The following RBFOX1 variants were observed in gnomAD, a reference collection of about 807,000 sequenced individuals.
The protein encoded by RBFOX1 is RNA binding protein fox-1 homolog 1.
RBFOX1 carries 8 observed loss-of-function variants against 57.7 expected under a neutral mutation model. That is an observed-to-expected ratio of 0.14 (90% CI 0.08 to 0.25). The LOEUF (loss-of-function observed/expected upper bound fraction) is 0.25, where lower values mean the gene tolerates loss of function less well. RBFOX1 is among the 10% of genes least tolerant of loss of function. The pLI is 1.00. For missense variants in RBFOX1, 611 were observed against 548.5 expected (o/e 1.11, Z -1.14); for synonymous variants, 326 against 222.4 (o/e 1.47, Z -4.15).
chr16:5,569,360 C>T (rs991531341), intron 2 of RBFOX1, among the ~76,000 whole-genome samples: 2 of 148,218 alleles, frequency 1.3e-5, no homozygotes, highest in African/African-American at 2.5e-5. Flanking sequence ...CTGGCTAACG[C>T]TCTGATTACT....
At chr16:5,765,452 C>T (rs1325713130) in intron 3 of RBFOX1, among the ~76,000 whole-genome samples, 5 of 152,176 alleles carry the variant, frequency 3.3e-5, no homozygotes, top group African/African-American at 1.2e-4. Flanking sequence ...ACCTTTGACC[C>T]TTCTTTCCCA....
chr16:6,278,179 T>G (rs908158580), intron 1 of RBFOX1, among the ~76,000 whole-genome samples: 2 of 152,168 alleles, frequency 1.3e-5, no homozygotes, highest in South Asian at 2.1e-4. Context: ...TGCAGGCAGG[T>G]ACTTTGTGAC....
At chr16:6,113,555 C>T (rs1226812695) in intron 1 of RBFOX1, among the ~76,000 whole-genome samples, 2 of 152,162 alleles carry the variant, frequency 1.3e-5, no homozygotes, top group Non-Finnish European at 2.9e-5. Flanking sequence ...AGACACAGCT[C>T]TTGAAGCAAA....
chr16:6,959,024 G>C (rs2082406853), intron 3 of RBFOX1, among the ~76,000 whole-genome samples: 1 of 152,072 alleles, frequency 6.6e-6, no homozygotes. Context: ...ATAATGGACA[G>C]TCATTTTTCA....
At chr16:7,188,834 A>C (rs749029765) in intron 4 of RBFOX1, among the ~76,000 whole-genome samples, 48 of 152,320 alleles carry the variant, frequency 3.2e-4, no homozygotes, top group Non-Finnish European at 3.8e-4. Context: ...TTGGCTGTTA[A>C]AAATGCAAAT....
At position 7,457,878 on chromosome 16, in the gene RBFOX1, C is replaced by A. The variant is rs566418651; in HGVS notation, c.28-60269C>A. Among the ~76,000 whole-genome samples the A allele has an allele frequency of 1.5e-4, 23 of 152,242 alleles. No individual in the cohort carries two copies. In the South Asian group the frequency reaches 1.9e-3, roughly 12 times the overall value. ...GGCCACAGCAGCTTCATCACCCCCT[C>A]CCCAATACTCTAATGTCCAGTTAAC... On this transcript the variant is annotated intron_variant, in intron 4 of 15. Transcript: ENST00000550418.
intron 1 of RBFOX1, among the ~76,000 whole-genome samples, chr16:5,440,021 T>C (rs960201829): frequency 4.6e-5 from 7 of 152,230 alleles, no homozygotes; most frequent in African/African-American, 1.4e-4. Context: ...CACCATTTGA[T>C]AGTATTTAAA....
intron 3 of RBFOX1, among the ~76,000 whole-genome samples, chr16:7,005,370 T>C (rs1426831252): frequency 2.0e-5 from 3 of 152,048 alleles, no homozygotes; most frequent in African/African-American, 7.2e-5. Context: ...ACTTATAGAA[T>C]AGAGGGATGG....
At chr16:7,517,119 G>A (rs571804043) in intron 4 of RBFOX1, among the ~76,000 whole-genome samples, 1 of 147,950 alleles carries the variant, frequency 6.8e-6, no homozygotes, top group Non-Finnish European at 1.5e-5. Flanking sequence ...TTAGACCTTT[G>A]GGTTACAATT....
intron 3 of RBFOX1, among the ~76,000 whole-genome samples, chr16:6,976,800 A>C: frequency 7.3e-6 from 1 of 136,814 alleles, no homozygotes; most frequent in South Asian, 2.1e-4. Context: ...TATATGATAT[A>C]TGAGATATAA....
intron 3 of RBFOX1, among the ~76,000 whole-genome samples, chr16:6,864,200 C>CT (rs2059520341): frequency 6.6e-6 from 1 of 152,104 alleles, no homozygotes; most frequent in African/African-American, 2.4e-5. Context: ...AAATAATTCA[C>CT]TTTTTTCTTC....
chr16:6,805,761 A>G (rs554132051), intron 3 of RBFOX1, among the ~76,000 whole-genome samples: 5 of 152,274 alleles, frequency 3.3e-5, no homozygotes, highest in South Asian at 2.1e-4. Context: ...CCTCCACTGT[A>G]AAGTCTGAAG....
At chr16:5,890,465 G>A (rs1444709434) in intron 4 of RBFOX1, among the ~76,000 whole-genome samples, 1 of 152,126 alleles carries the variant, frequency 6.6e-6, no homozygotes, top group African/African-American at 2.4e-5. Context: ...TTGGGAGGCT[G>A]AGGCGGGCAG....
intron 3 of RBFOX1, among the ~76,000 whole-genome samples, chr16:6,901,499 C>G (rs1044893010): frequency 9.9e-5 from 15 of 152,156 alleles, no homozygotes; most frequent in Non-Finnish European, 2.1e-4. Context: ...GACTCTCGAC[C>G]TGGAATGACA....
At chr16:7,511,819 A>G (rs1269330701) in intron 4 of RBFOX1, among the ~76,000 whole-genome samples, 2 of 152,124 alleles carry the variant, frequency 1.3e-5, no homozygotes, top group Non-Finnish European at 2.9e-5. Flanking sequence ...TTATCCTAAT[A>G]AATGTTGTTT....
chr16:6,587,129 T>C (rs1456178311), intron 2 of RBFOX1, among the ~76,000 whole-genome samples: 1 of 152,168 alleles, frequency 6.6e-6, no homozygotes, highest in Non-Finnish European at 1.5e-5. Context: ...GTTGGATTTA[T>C]TCCTCTTATC....
intron 1 of RBFOX1, among the ~76,000 whole-genome samples, chr16:6,141,442 C>T (rs2096715302): frequency 1.3e-5 from 2 of 152,074 alleles, no homozygotes. Flanking sequence ...TGTTAGGGAC[C>T]ACACTCAAAA....
intron 4 of RBFOX1, among the ~76,000 whole-genome samples, chr16:7,128,127 C>G (rs1331686854): frequency 6.6e-6 from 1 of 152,146 alleles, no homozygotes; most frequent in East Asian, 1.9e-4. Context: ...ATGGACAGCC[C>G]TGGTGAAAAG....
chr16:7,176,208 A>C (rs1359977785), intron 4 of RBFOX1, among the ~76,000 whole-genome samples: 1 of 108,328 alleles, frequency 9.2e-6, no homozygotes, highest in Non-Finnish European at 1.8e-5. Context: ...GAAACTGTAA[A>C]ATGAGATTAA....
Sources: gnomAD v4.1 joint callset for allele counts (sites outside exome capture counted in the v4.1 genomes callset) on GRCh38, gnomAD v4.1.1 for gene constraint, MANE v1.5 for transcripts, NCBI Gene and HGNC (gene_info 2026-07-23, HGNC 2026-07-21) for gene names.